PRR5L: variants seen among roughly 807,000 people sequenced by gnomAD.
The protein encoded by PRR5L is proline-rich protein 5-like.
In PRR5L, 21 loss-of-function variants were observed where a neutral mutation model predicts 36.4. The ratio of observed to expected loss-of-function variants is 0.58; its 90% CI spans 0.41 to 0.83. The LOEUF (loss-of-function observed/expected upper bound fraction) is 0.83. Among genes scored for constraint, PRR5L ranks in the 40% least tolerant of loss-of-function variants. The probability of loss-of-function intolerance (pLI) is 0.00; values close to 1 mark genes in which losing one functional copy is unlikely to be tolerated. For synonymous variants in PRR5L, 188 were observed against 197.0 expected (o/e 0.95, Z 0.38); for missense variants, 381 against 473.3 (o/e 0.80, Z 1.81).
chr11:36,421,896 G>C (rs115425290), intron 4 of PRR5L, among the ~76,000 whole-genome samples: 1 of 152,136 alleles, frequency 6.6e-6, no homozygotes, highest in African/African-American at 2.4e-5. Context: ...AGCAGTCCTC[G>C]AACTTAGTGT....
chr11:36,446,295 T>C lies in PRR5L; in HGVS notation c.445-5T>C. The C allele has an allele frequency of 1.2e-6, 2 of 1,613,298 alleles. No homozygotes were observed. Among genetic ancestry groups the C allele is most frequent in the African/African-American group, 1.3e-5 (1 of 75,044 alleles). On this transcript the variant is annotated splice_polypyrimidine_tract_variant and splice_region_variant and intron_variant, in intron 6 of 8. Coordinates refer to ENST00000530639, the MANE Select transcript of PRR5L (RefSeq NM_001160167.2). ...TCCCGGCCCTCTCTCCTCTGTCCCC[T>C]CTAGGGCCAGGAGCTGACTATCCGC...
chr11:36,383,695 CTT>C (rs34900545), intron 1 of PRR5L, among the ~76,000 whole-genome samples: 120 of 109,226 alleles, frequency 1.1e-3, no homozygotes, highest in East Asian at 2.3e-3. Flanking sequence ...CTTTCTTTTC[CTT>C]TTTTTTTTTT....
At chr11:36,349,549 C>T (rs1251918407) in intron 1 of PRR5L, among the ~76,000 whole-genome samples, 5 of 151,976 alleles carry the variant, frequency 3.3e-5, no homozygotes, top group Non-Finnish European at 5.9e-5. Context: ...GGAAGGAAGG[C>T]GAGGGGCCTT....
At chr11:36,385,318 G>C (rs570918509) in intron 1 of PRR5L, among the ~76,000 whole-genome samples, 1 of 152,234 alleles carries the variant, frequency 6.6e-6, no homozygotes, top group African/African-American at 2.4e-5. Flanking sequence ...GATACTTAAA[G>C]TAGGCTTATA....
intron 3 of PRR5L, among the ~76,000 whole-genome samples, chr11:36,418,435 C>A (rs1291346450): frequency 1.3e-5 from 2 of 152,142 alleles, no homozygotes; most frequent in Non-Finnish European, 2.9e-5. Flanking sequence ...GGGTTCACAT[C>A]TTGGCTCTGC....
Position 36,403,396 on chromosome 11 carries a change from C to T in PRR5L, c.245+18C>T. 1.2e-6 allele frequency: 2 copies of T among 1,608,254 alleles called. No individual in the cohort carries two copies. Among genetic ancestry groups the T allele is most frequent in the Non-Finnish European group, 1.7e-6 (2 of 1,175,602 alleles). ...AACATCAGGTATGTGGCAGGCCAGA[C>T]TTGGTGCCATTTTCCCCTATAAACC... On this transcript the variant is annotated intron_variant, in intron 3 of 8. Coordinates refer to ENST00000530639, the MANE Select transcript of PRR5L (RefSeq NM_001160167.2).
chr11:36,334,180 T>G lies in PRR5L; in HGVS notation c.-126+37742T>G, dbSNP rs564665231. Among the ~76,000 whole-genome samples the G allele has an allele frequency of 5.8e-4, 88 of 152,300 alleles. 2 individuals are homozygous for G. In the South Asian group the frequency reaches 0.018, roughly 31 times the overall value. On this transcript the variant is annotated intron_variant, in intron 1 of 8. Transcript: ENST00000530639. ...GAGACACACCTACTGCAAAGGAGGC[T>G]GGGAAATGTAGTCTTTATCCTGGAT...
chr11:36,377,912 C>G lies in PRR5L; in HGVS notation c.-125-23085C>G, dbSNP rs1300866869. 6.6e-6 allele frequency among the ~76,000 whole-genome samples: 1 copy of G among 152,154 alleles called. No individual in the cohort carries two copies. Among genetic ancestry groups the G allele is most frequent in the African/African-American group, 2.4e-5 (1 of 41,428 alleles). On this transcript the variant is annotated intron_variant, in intron 1 of 8. Transcript: ENST00000530639. The surrounding 1 kb of genome is among the most constrained non-coding windows in gnomAD (Gnocchi z 5.1). ...CTTGGGCAGAATTCTGGACCTGTTG[C>G]CCAGACGACACGTGCACATTCAGAT...
chr11:36,359,930 G>C (rs2133500559), intron 1 of PRR5L, among the ~76,000 whole-genome samples: 1 of 152,114 alleles, frequency 6.6e-6, no homozygotes, highest in East Asian at 1.9e-4. Flanking sequence ...CCAGCTACTA[G>C]GAAGTCTGAG....
rs754405723 is a variant in PRR5L at position 36,462,637 on chromosome 11, C to T, written c.1008C>T (p.Cys336=). The change falls in exon 9 of 9, where the codon TGC becomes TGT. Residue 336 remains cysteine, a synonymous_variant. Transcript: ENST00000530639. The part of the protein sequence containing the change: ...PPSFPPPHRQ[C]SSEPNITDNP... Reference sequence around the variant, plus strand: ...GCTTCCCCCCGCCCCACCGGCAGTGCTCCAGTGAGCCCAACATCACTGACA... The same window carrying T: ...GCTTCCCCCCGCCCCACCGGCAGTGTTCCAGTGAGCCCAACATCACTGACA... The T allele has an allele frequency of 6.2e-7, 1 of 1,612,266 alleles. No individual in the cohort carries two copies. The highest frequency in any genetic ancestry group is 8.5e-7 in the Non-Finnish European group (1 of 1,179,876).
chr11:36,302,829 C>T (rs1043688677), intron 1 of PRR5L, among the ~76,000 whole-genome samples: 14 of 152,122 alleles, frequency 9.2e-5, no homozygotes, highest in Non-Finnish European at 2.1e-4. Context: ...TGCTGGCTCA[C>T]GTGTGTGCAG....
chr11:36,386,256 A>C (rs116951920), intron 1 of PRR5L, among the ~76,000 whole-genome samples: 1 of 152,244 alleles, frequency 6.6e-6, no homozygotes, highest in African/African-American at 2.4e-5. Context: ...ACCATACTCC[A>C]GCCTGGGTGA....
chr11:36,388,034 G>C (rs529726207), intron 1 of PRR5L: 1 of 152,320 alleles, frequency 6.6e-6, no homozygotes, highest in South Asian at 2.1e-4. Context: ...GCCAGGGCAG[G>C]TGCTGGTAGT....
chr11:36,375,917 T>A (rs574768993), intron 1 of PRR5L: 36 of 308,970 alleles, frequency 1.2e-4, no homozygotes, highest in Non-Finnish European at 1.9e-4. Flanking sequence ...TCGCCAGAGT[T>A]CCAGGCTCCA....
chr11:36,456,773 C>A (rs927058530), intron 8 of PRR5L, among the ~76,000 whole-genome samples: 1 of 152,250 alleles, frequency 6.6e-6, no homozygotes, highest in Non-Finnish European at 1.5e-5. Context: ...TAAATAGTTC[C>A]TCCTAAGAAC....
At chr11:36,449,550 T>A (rs1022807206) in intron 7 of PRR5L, among the ~76,000 whole-genome samples, 7 of 152,272 alleles carry the variant, frequency 4.6e-5, no homozygotes, top group African/African-American at 7.2e-5. Flanking sequence ...AAGATCTGTT[T>A]CCTCCCAGCT....
chr11:36,350,944 A>ATATATTTATATATATT (rs1856927108), intron 1 of PRR5L, among the ~76,000 whole-genome samples: 1 of 57,140 alleles, frequency 1.8e-5, no homozygotes, highest in Non-Finnish European at 3.0e-5. Context: ...ATATTTATAT[A>ATATATTTATATATATT]TATATATTTA....
chr11:36,393,491 G>A (rs1311646516), intron 1 of PRR5L, among the ~76,000 whole-genome samples: 2 of 152,110 alleles, frequency 1.3e-5, no homozygotes, highest in South Asian at 4.1e-4. Flanking sequence ...CACTCTAAAT[G>A]TATGGATTTG....
At chr11:36,325,831 T>C (rs1856656755) in intron 1 of PRR5L, among the ~76,000 whole-genome samples, 1 of 152,216 alleles carries the variant, frequency 6.6e-6, no homozygotes, top group Non-Finnish European at 1.5e-5. Context: ...ACCGTTGTTT[T>C]TCATGTTCTG....
Sources: allele counts gnomAD v4.1 joint callset (sites outside exome capture counted in the v4.1 genomes callset), GRCh38; gene constraint gnomAD v4.1.1; non-coding constraint Gnocchi (gnomAD v3.1); transcripts MANE v1.5; gene names NCBI Gene and HGNC (gene_info 2026-07-23, HGNC 2026-07-21).